ADAMTSL3: variants seen among roughly 807,000 people sequenced by gnomAD.
ADAMTSL3 encodes the protein ADAMTS like 3.
Under a neutral mutation model 201.7 loss-of-function variants are expected in ADAMTSL3, and 128 were observed. The observed-to-expected ratio is 0.63, with a 90% confidence interval of 0.55 to 0.73. The LOEUF (loss-of-function observed/expected upper bound fraction) is 0.73. Among genes scored for constraint, ADAMTSL3 ranks in the 30% least tolerant of loss-of-function variants. The pLI is 0.00. For missense variants in ADAMTSL3, 1,990 were observed against 2,119.6 expected (o/e 0.94, Z 1.20); for synonymous variants, 738 against 748.4 (o/e 0.99, Z 0.23).
intron 20 of ADAMTSL3, among the ~76,000 whole-genome samples, chr15:83,973,167 C>A (rs1172155211): frequency 6.6e-6 from 1 of 152,184 alleles, no homozygotes; most frequent in Non-Finnish European, 1.5e-5. Flanking sequence ...ATTCCACTGA[C>A]CCCATCACCT....
chr15:83,800,984 A>G (rs1295842561), intron 4 of ADAMTSL3, among the ~76,000 whole-genome samples: 1 of 152,216 alleles, frequency 6.6e-6, no homozygotes, highest in Non-Finnish European at 1.5e-5. Context: ...GTTTCCCAGT[A>G]GAATGGAGTC....
intron 3 of ADAMTSL3, among the ~76,000 whole-genome samples, chr15:83,716,886 G>C (rs780903078): frequency 6.6e-6 from 1 of 151,672 alleles, no homozygotes; most frequent in Non-Finnish European, 1.5e-5. Context: ...ATGCTAACAG[G>C]GTTTTTAAAA....
chr15:83,658,045 A>G (rs1289359584), intron 2 of ADAMTSL3, among the ~76,000 whole-genome samples: 1 of 152,192 alleles, frequency 6.6e-6, no homozygotes. Context: ...AAACTGCTAG[A>G]TGTGTGAGGC....
intron 4 of ADAMTSL3, among the ~76,000 whole-genome samples, chr15:83,776,031 A>G (rs1472798529): frequency 6.6e-6 from 1 of 152,158 alleles, no homozygotes; most frequent in Non-Finnish European, 1.5e-5. Flanking sequence ...GTGCTGCAAC[A>G]CCTACTCTGC....
chr15:83,718,184 A>G (rs2062045693), intron 3 of ADAMTSL3, among the ~76,000 whole-genome samples: 1 of 152,218 alleles, frequency 6.6e-6, no homozygotes, highest in African/African-American at 2.4e-5. Context: ...CCAACTTAAT[A>G]GCAGTGATCT....
At position 83,942,893 on chromosome 15, in the gene ADAMTSL3, GTCT is replaced by G; in HGVS notation, c.2311-5_2311-3del. On this transcript the variant is annotated splice_polypyrimidine_tract_variant and splice_region_variant and intron_variant, in intron 18 of 29. Coordinates refer to ENST00000286744, the MANE Select transcript of ADAMTSL3 (RefSeq NM_207517.3). ...CAAGCCTGCCGCCTCACCCCCTCTT[GTCT>G]TCTTAGTGTTCCAGGACTTGTGGCG... 1.2e-6 allele frequency: 2 copies of G among 1,610,396 alleles called. No homozygotes were observed. Among genetic ancestry groups the G allele is most frequent in the South Asian group, 1.1e-5 (1 of 90,222 alleles).
intron 6 of ADAMTSL3, among the ~76,000 whole-genome samples, chr15:83,834,794 C>T (rs566959998): frequency 2.0e-4 from 31 of 152,176 alleles, no homozygotes; most frequent in Non-Finnish European, 4.0e-4. Flanking sequence ...TAGTGTCTGG[C>T]AGTATAGAAA....
At chr15:83,837,147 C>T (rs758644859) in intron 6 of ADAMTSL3, among the ~76,000 whole-genome samples, 39 of 151,958 alleles carry the variant, frequency 2.6e-4, no homozygotes, top group Non-Finnish European at 4.6e-4. Context: ...TGAGACATCT[C>T]TCCTTTTAAT....
rs548776547 is a variant in ADAMTSL3 at position 83,821,045 on chromosome 15, G to C, written c.600+998G>C. On this transcript the variant is annotated intron_variant, in intron 6 of 29. Coordinates refer to ENST00000286744, the MANE Select transcript of ADAMTSL3 (RefSeq NM_207517.3). ...GCCAAGATCACGCCACTGCACTCCA[G>C]TCTGAGTGACAGAGCGAGACTGTCT... Among the ~76,000 whole-genome samples the C allele has an allele frequency of 7.9e-5, 12 of 152,054 alleles. No individual in the cohort carries two copies. In the East Asian group the frequency reaches 2.3e-3, roughly 29 times the overall value.
intron 23 of ADAMTSL3, among the ~76,000 whole-genome samples, chr15:84,011,021 A>C (rs983151717): frequency 6.6e-6 from 1 of 151,942 alleles, no homozygotes; most frequent in African/African-American, 2.4e-5. Flanking sequence ...GCATGGGCCC[A>C]CTCTAGATTA....
chr15:84,034,942 C>T (rs1477534387), intron 28 of ADAMTSL3, among the ~76,000 whole-genome samples: 1 of 152,216 alleles, frequency 6.6e-6, no homozygotes, highest in African/African-American at 2.4e-5. Flanking sequence ...GTGCATAGTG[C>T]AGGTGCCCAG....
chr15:83,865,149 G>A (rs1434005718), intron 8 of ADAMTSL3, among the ~76,000 whole-genome samples: 1 of 152,160 alleles, frequency 6.6e-6, no homozygotes. Flanking sequence ...CCATGCTCGT[G>A]GGTAGGAAGA....
In ADAMTSL3 at chr15:84,016,366, CTT is replaced by C. The variant is rs3215154; in HGVS notation, c.4157-8_4157-7del. On this transcript the variant is annotated splice_polypyrimidine_tract_variant and intron_variant, in intron 24 of 29. Coordinates refer to ENST00000286744, the MANE Select transcript of ADAMTSL3 (RefSeq NM_207517.3). ...TAATGTCTAACTGGTAAAAGTGCTACTTTTTTTTTTCCTCAGAACGAAGATGG... is the reference window on the plus strand; with the variant it reads ...TAATGTCTAACTGGTAAAAGTGCTACTTTTTTTTCCTCAGAACGAAGATGG... 2 of 1,433,116 alleles carry C rather than the reference CTT, an allele frequency of 1.4e-6. No individual in the cohort carries two copies. Among genetic ancestry groups the C allele is most frequent in the Admixed American group, 1.8e-5 (1 of 55,016 alleles). The allele number at this position is 1,433,116 out of a possible 1,614,324, so 88.8% of individuals were successfully genotyped here. A position where few individuals can be genotyped will look rare whatever the true frequency, so the allele number is the denominator to read the frequency against.
chr15:83,959,645 T>A (rs1309554287), intron 19 of ADAMTSL3, among the ~76,000 whole-genome samples: 2 of 152,176 alleles, frequency 1.3e-5, no homozygotes, highest in Non-Finnish European at 2.9e-5. Flanking sequence ...AGGCAAATAG[T>A]TTTGAAGATG....
intron 15 of ADAMTSL3, among the ~76,000 whole-genome samples, chr15:83,906,734 A>G (rs1381730958): frequency 2.0e-5 from 3 of 150,574 alleles, no homozygotes; most frequent in Non-Finnish European, 4.4e-5. Flanking sequence ...TTTTCAGTTA[A>G]TTTTAGTACT....
chr15:83,875,878 T>G (rs1179735967), intron 9 of ADAMTSL3, among the ~76,000 whole-genome samples: 1 of 152,170 alleles, frequency 6.6e-6, no homozygotes, highest in Non-Finnish European at 1.5e-5. Flanking sequence ...AAATTGAGTG[T>G]CTGTAGACTG....
chr15:83,976,159 G>A (rs1320294874), intron 20 of ADAMTSL3, among the ~76,000 whole-genome samples: 1 of 152,188 alleles, frequency 6.6e-6, no homozygotes, highest in Admixed American at 6.5e-5. Context: ...AGGGTGGTGA[G>A]TGGGGAGAGG....
In ADAMTSL3 at chr15:83,811,253, A is replaced by T. The variant is rs543664877; in HGVS notation, c.363+6558A>T. ...GGTGGTGCATTATTTTGCCCAACAC[A>T]ATGGGATAGCTAAAGTTTTCTTTGG... On this transcript the variant is annotated intron_variant, in intron 5 of 29. Coordinates refer to ENST00000286744, the MANE Select transcript of ADAMTSL3 (RefSeq NM_207517.3). Among the ~76,000 whole-genome samples, 7 of 152,324 alleles carry T rather than the reference A, an allele frequency of 4.6e-5. No homozygotes were observed. The South Asian group carries it at 1.4e-3, about 32-fold the overall frequency.
In ADAMTSL3 at chr15:83,883,865, C is replaced by T. The variant is rs541833075; in HGVS notation, c.961-1236C>T. ...ACAGGTGTGAGCCACTGTGCCTGGC[C>T]TGGTTTTTCTAACACATTAATTTTT... is the stretch of plus-strand genomic sequence containing the variant. On this transcript the variant is annotated intron_variant, in intron 9 of 29. Transcript: ENST00000286744. 2.6e-5 allele frequency among the ~76,000 whole-genome samples: 4 copies of T among 151,684 alleles called. No individual in the cohort carries two copies. The South Asian group carries it at 8.4e-4, about 32-fold the overall frequency.
Sources: gnomAD v4.1 joint callset for allele counts (sites outside exome capture counted in the v4.1 genomes callset) on GRCh38, gnomAD v4.1.1 for gene constraint, MANE v1.5 for transcripts, NCBI Gene and HGNC (gene_info 2026-07-23, HGNC 2026-07-21) for gene names.